Variants in SYNC observed in about 807,000 individuals in gnomAD.
SYNC encodes the protein syncoilin, intermediate filament protein.
In SYNC, 38 loss-of-function variants were observed where a neutral mutation model predicts 49.5. That is an observed-to-expected ratio of 0.77 (90% CI 0.59 to 1.01). The LOEUF is 1.01. Among genes scored for constraint, SYNC ranks in the 50% least tolerant of loss-of-function variants. The pLI, the probability that SYNC is intolerant of heterozygous loss-of-function variation, is 0.00. For synonymous variants in SYNC, 201 were observed against 230.8 expected, an observed-to-expected ratio of 0.87 and a Z score of 1.17; for missense variants, 579 against 580.6, an observed-to-expected ratio of 1.00 and a Z score of 0.03.
rs759944773 is a variant in SYNC, at chr1:32,681,771, G to A, written c.*79C>T. The A allele has an allele frequency of 8.7e-6, 14 of 1,612,630 alleles. No homozygotes were observed. The African/African-American group carries it at 1.7e-4, about 20-fold the overall frequency. On this transcript the variant is annotated 3_prime_UTR_variant, in exon 5 of 5. Coordinates refer to ENST00000409190, the MANE Select transcript of SYNC (RefSeq NM_030786.3). ...CTGGCACTCTTGTCTGGTTGGAAGAGTACATCCAAAGGGTACTTAGTGATC... is the reference window on the plus strand; with the variant it reads ...CTGGCACTCTTGTCTGGTTGGAAGAATACATCCAAAGGGTACTTAGTGATC...
intron 3 of SYNC, 72 bp from the exon 4 acceptor site, chr1:32,684,161 CTT>C (rs929031937): frequency 1.2e-6 from 2 of 1,605,996 alleles, no homozygotes; most frequent in African/African-American, 2.7e-5. Context: ...CCCAAATCCT[CTT>C]TTTGTTTTTG....
chr1:32,695,034 T>C lies in SYNC; in HGVS notation c.1064A>G (p.Glu355Gly). 3 of 1,613,904 alleles carry C rather than the reference T, an allele frequency of 1.9e-6. No individual in the cohort carries two copies. The highest frequency in any genetic ancestry group is 2.5e-6 in the Non-Finnish European group (3 of 1,179,988). The stretch of plus-strand genomic sequence containing the variant: ...TCTCTGCAGAGCTTTGGTCCCAGCT[T>C]CTTTCCTCTCTAGGAGCCGCAGGAA... ...PQFLRLLERK[E>G]AGTKALQRTQ... Residue 355 changes from glutamate (E) to glycine (G), a missense_variant, in exon 2 of 5, where the codon GAA becomes GGA. Coordinates refer to ENST00000409190, the MANE Select transcript of SYNC (RefSeq NM_030786.3).
intron 2 of SYNC, 158 bp from the exon 3 acceptor site, chr1:32,684,540 G>A (rs1314640462): frequency 6.4e-6 from 7 of 1,090,790 alleles, no homozygotes; most frequent in Non-Finnish European, 6.4e-6. Flanking sequence ...GTTCAAAGAA[G>A]TTGTGTCTTG....
At position 32,702,641 on chromosome 1, in the gene SYNC, C is replaced by T; in HGVS notation, c.20G>A (p.Arg7Gln). 13 of 1,210,750 alleles carry T rather than the reference C, an allele frequency of 1.1e-5. No individual in the cohort carries two copies. The highest frequency in any genetic ancestry group is 1.3e-5 in the Non-Finnish European group (13 of 974,712). 75.0% of individuals were successfully genotyped at this position (1,210,750 alleles called of 1,614,324 possible). MASPEPRRGGDGAAQAA... is the reference protein window; with the variant it reads MASPEPQRGGDGAAQAA... The stretch of plus-strand genomic sequence containing the variant: ...CTGGGCGGCGCCGTCCCCGCCGCGC[C>T]GGGGCTCCGGGCTGGCCATGGCTGC... Residue 7 changes from arginine to glutamine, a missense_variant, in exon 1 of 5, where the codon CGG (arginine) becomes CAG (glutamine). By Grantham distance (43) the Arg-to-Gln change is conservative (BLOSUM62 1). Transcript: ENST00000409190. The surrounding 1 kb of genome is among the most constrained non-coding windows in gnomAD (Gnocchi z 6.2).
chr1:32,686,601 C>CG (rs1317408974), intron 2 of SYNC, among the ~76,000 whole-genome samples: 1 of 152,094 alleles, frequency 6.6e-6, no homozygotes, highest in African/African-American at 2.4e-5. Context: ...CTAAGGATAT[C>CG]GGGAAACTTC....
At chr1:32,692,198 A>C (rs1281008230) in intron 2 of SYNC, among the ~76,000 whole-genome samples, 2 of 152,038 alleles carry the variant, frequency 1.3e-5, no homozygotes, top group Non-Finnish European at 2.9e-5. Context: ...ACTGCACTCC[A>C]GCCTGGGCAA....
intron 1 of SYNC, among the ~76,000 whole-genome samples, chr1:32,701,960 G>A (rs1006443281): frequency 2.0e-5 from 3 of 152,132 alleles, no homozygotes; most frequent in Non-Finnish European, 4.4e-5. Context: ...AAGGGGTGTC[G>A]GGAGCTATGT....
chr1:32,696,171 TCCACTC>T, intron 1 of SYNC, 127 bp from the exon 2 acceptor site: 1 of 721,094 alleles, frequency 1.4e-6, no homozygotes, highest in Non-Finnish European at 2.2e-6. Flanking sequence ...GTCTGCTCCC[TCCACTC>T]TGTCAATCCA....
At chr1:32,687,292 C>T (rs1303922204) in intron 2 of SYNC, among the ~76,000 whole-genome samples, 4 of 144,758 alleles carry the variant, frequency 2.8e-5, no homozygotes, top group Admixed American at 7.2e-5. Context: ...ACCTGGGAGG[C>T]GGAGGTTGCA....
chr1:32,697,820 T>C (rs1287365287), intron 1 of SYNC, among the ~76,000 whole-genome samples: 1 of 152,172 alleles, frequency 6.6e-6, no homozygotes, highest in Non-Finnish European at 1.5e-5. Flanking sequence ...TGTCATATCC[T>C]TGTGACACAA....
chr1:32,689,235 C>CTGTTTTTT (rs1650041521), intron 2 of SYNC, among the ~76,000 whole-genome samples: 1 of 41,518 alleles, frequency 2.4e-5, no homozygotes, highest in African/African-American at 6.8e-5. Flanking sequence ...CTCGCCTGGC[C>CTGTTTTTT]TTTTTTTTTT....
chr1:32,695,686 A>T lies in SYNC; in HGVS notation c.412T>A (p.Tyr138Asn), dbSNP rs1650392569. 6.4e-7 allele frequency: 1 copy of T among 1,551,178 alleles called. No individual in the cohort carries two copies. Among genetic ancestry groups the T allele is most frequent in the Admixed American group, 2.0e-5 (1 of 50,906 alleles). The part of the protein sequence containing the change: ...GKPTSPEHVV[Y>N]EGETVTRAEK... ...GCCCTTGTGACTGTCTCTCCCTCAT[A>T]AACAACGTGCTCTGGGCTTGTGGGC... The change falls in exon 2 of 5, where the codon TAT becomes AAT. Residue 138 changes from tyrosine to asparagine, a missense_variant. By Grantham distance (143) the Tyr-to-Asn change is moderately radical. Coordinates refer to ENST00000409190, the MANE Select transcript of SYNC (RefSeq NM_030786.3).
At chr1:32,684,518 G>A (rs1288236693) in intron 2 of SYNC, 136 bp from the exon 3 acceptor site, 3 of 1,281,886 alleles carry the variant, frequency 2.3e-6, no homozygotes, top group Admixed American at 5.3e-5. Context: ...TATATGATAG[G>A]TTATGAAACA....
In SYNC at chr1:32,695,200, C is replaced by T. The variant is rs1553200701; in HGVS notation, c.898G>A (p.Glu300Lys). 10 of 1,558,482 alleles carry T rather than the reference C, an allele frequency of 6.4e-6. 1 individual carries two copies. The South Asian group carries it at 1.1e-4, about 16-fold the overall frequency. ...QLRDAYQKQK[E>K]QLRQQLEAPP... ...GCTTCTAGTTGTTGCCGCAGCTGCT[C>T]CTTCTGCTTCTGATAGGCATCCCGG... Residue 300 changes from glutamate (E) to lysine (K), a missense_variant, in exon 2 of 5, where the codon GAG becomes AAG. Coordinates refer to ENST00000409190, the MANE Select transcript of SYNC (RefSeq NM_030786.3).
rs1358189876 is a variant in SYNC, at chr1:32,702,451, C to T, written c.53+157G>A. Among the ~76,000 whole-genome samples, 1 of 152,118 alleles carries T rather than the reference C, an allele frequency of 6.6e-6. No individual in the cohort carries two copies. The highest frequency in any genetic ancestry group is 1.5e-5 in the Non-Finnish European group (1 of 68,012). On this transcript the variant is annotated intron_variant, in intron 1 of 4. Coordinates refer to ENST00000409190, the MANE Select transcript of SYNC (RefSeq NM_030786.3). This position sits in a 1 kb window ranked among gnomAD's most constrained non-coding sequence, Gnocchi z 6.2. The stretch of plus-strand genomic sequence containing the variant: ...GCCAGGACCCCGGGACGGCCCGACT[C>T]CCCGATGTCCCCTCACGAGGCGGCT...
At chr1:32,682,609 A>C (rs1230476096) in intron 4 of SYNC, 1 of 151,748 alleles carries the variant, frequency 6.6e-6, no homozygotes, top group African/African-American at 2.4e-5. Flanking sequence ...CGTTTCTACT[A>C]AAAATACAAA....
chr1:32,689,031 C>T (rs551105660), intron 2 of SYNC, among the ~76,000 whole-genome samples: 3 of 151,810 alleles, frequency 2.0e-5, no homozygotes, highest in African/African-American at 7.2e-5. Flanking sequence ...CTCTGCCTCC[C>T]GGGTTCAAGC....
intron 2 of SYNC, among the ~76,000 whole-genome samples, chr1:32,690,946 CAG>C (rs1188544172): frequency 6.6e-6 from 1 of 151,912 alleles, no homozygotes; most frequent in Admixed American, 6.6e-5. Flanking sequence ...TGGCCGGGCT[CAG>C]TGGCTCACAC....
In SYNC at chr1:32,702,638, C is replaced by T; in HGVS notation, c.23G>A (p.Arg8His). 1 of 1,213,456 alleles carries T rather than the reference C, an allele frequency of 8.2e-7. No individual in the cohort carries two copies. Among genetic ancestry groups the T allele is most frequent in the Non-Finnish European group, 1.0e-6 (1 of 976,468 alleles). 75.2% of individuals were successfully genotyped at this position (1,213,456 alleles called of 1,614,324 possible). A position where few individuals can be genotyped will look rare whatever the true frequency, so the allele number is the denominator to read the frequency against. Residue 8 changes from arginine (R) to histidine (H), a missense_variant, in exon 1 of 5, where the codon CGC becomes CAC. Physicochemically the swap from Arg to His is conservative, Grantham distance 29 (BLOSUM62 0). Coordinates refer to ENST00000409190, the MANE Select transcript of SYNC (RefSeq NM_030786.3). This position sits in a 1 kb window ranked among gnomAD's most constrained non-coding sequence, Gnocchi z 6.2. MASPEPR[R>H]GGDGAAQAAR... is the part of the protein sequence containing the mutation. ...GGCCTGGGCGGCGCCGTCCCCGCCGCGCCGGGGCTCCGGGCTGGCCATGGC... is the reference window on the plus strand; with the variant it reads ...GGCCTGGGCGGCGCCGTCCCCGCCGTGCCGGGGCTCCGGGCTGGCCATGGC...
Sources: allele counts gnomAD v4.1 joint callset (sites outside exome capture counted in the v4.1 genomes callset), GRCh38; gene constraint gnomAD v4.1.1; non-coding constraint Gnocchi (gnomAD v3.1); transcripts MANE v1.5; gene names NCBI Gene and HGNC (gene_info 2026-07-23, HGNC 2026-07-21).